The following RICTOR variants were observed in gnomAD, a reference collection of about 807,000 sequenced individuals.
RICTOR encodes the protein rapamycin-insensitive companion of mTOR.
In RICTOR, 49 loss-of-function variants were observed where a neutral mutation model predicts 214.9. The ratio of observed to expected loss-of-function variants is 0.23; its 90% confidence interval spans 0.18 to 0.29. The LOEUF (loss-of-function observed/expected upper bound fraction) is 0.29. RICTOR is among the 10% of genes least tolerant of loss of function. RICTOR has a pLI of 1.00. For missense variants in RICTOR, 1,625 were observed against 2,047.0 expected (o/e 0.79, Z 3.98); for synonymous variants, 717 against 711.3 (o/e 1.01, Z -0.13).
chr5:39,069,896 C>G (rs1216254255), intron 2 of RICTOR, among the ~76,000 whole-genome samples: 1 of 152,138 alleles, frequency 6.6e-6, no homozygotes, highest in Non-Finnish European at 1.5e-5. Context: ...ATCCTTTTAC[C>G]CACCAGACAG....
Position 38,990,819 on chromosome 5 carries a change from GAT to G in RICTOR, c.583+128_583+129del, listed in dbSNP as rs71585016. ...TATATGATATATATGAGATATATGA[GAT>G]ATATGATATATGAGATATATGAGAT... On this transcript the variant is annotated intron_variant, in intron 7 of 37. Transcript: ENST00000357387. The G allele has an allele frequency of 1.1e-4, 19 of 168,066 alleles. 1 individual carries two copies. The African/African-American group carries it at 1.1e-3, about 10-fold the overall frequency. The allele number at this position is 168,066 out of a possible 1,614,324, so 10.4% of individuals were successfully genotyped here.
At chr5:39,060,121 C>T (rs1758443952) in intron 2 of RICTOR, among the ~76,000 whole-genome samples, 1 of 152,112 alleles carries the variant, frequency 6.6e-6, no homozygotes, top group Admixed American at 6.6e-5. Context: ...TATAATCCTA[C>T]TATCCATATT....
At chr5:39,055,772 GAGA>G (rs1457899495) in intron 2 of RICTOR, among the ~76,000 whole-genome samples, 2 of 152,194 alleles carry the variant, frequency 1.3e-5, no homozygotes, top group Non-Finnish European at 2.9e-5. Flanking sequence ...GTTGGTTACA[GAGA>G]AGAAAACAGA....
intron 2 of RICTOR, among the ~76,000 whole-genome samples, chr5:39,022,072 T>G (rs543330876): frequency 1.3e-5 from 2 of 152,330 alleles, no homozygotes; most frequent in African/African-American, 2.4e-5. Flanking sequence ...ATATATTACA[T>G]GAAATATAAT....
At chr5:39,069,580 A>G (rs2150220834) in intron 2 of RICTOR, among the ~76,000 whole-genome samples, 1 of 152,348 alleles carries the variant, frequency 6.6e-6, no homozygotes, top group East Asian at 1.9e-4. Flanking sequence ...CAGCCTCTAC[A>G]TTTTAATAAA....
intron 7 of RICTOR, among the ~76,000 whole-genome samples, chr5:38,988,039 G>A (rs1382945867): frequency 6.6e-6 from 1 of 152,124 alleles, no homozygotes; most frequent in Non-Finnish European, 1.5e-5. Flanking sequence ...TTAATCCTGA[G>A]TCCTAATTTG....
In RICTOR at chr5:38,964,806, G is replaced by A. The variant is rs1355578278; in HGVS notation, c.1386C>T (p.Pro462=). Reference sequence around the variant, plus strand: ...CTGATACTTACAGTCTCTTTTCCTTGGGGATATCAAAGGATGCAGCCATAT... The same window carrying A: ...CTGATACTTACAGTCTCTTTTCCTTAGGGATATCAAAGGATGCAGCCATAT... ...LMNMAASFDI[P]KEKRLRASAA... The change falls in exon 16 of 38, where the codon CCC becomes CCT. Residue 462 remains proline, a synonymous_variant. Transcript: ENST00000357387. 4.4e-6 allele frequency: 7 copies of A among 1,573,660 alleles called. No individual in the cohort carries two copies. The highest frequency in any genetic ancestry group is 6.1e-6 in the Non-Finnish European group (7 of 1,147,514).
chr5:39,011,864 G>A (rs923744721), intron 3 of RICTOR, among the ~76,000 whole-genome samples: 4 of 152,150 alleles, frequency 2.6e-5, no homozygotes, highest in African/African-American at 9.7e-5. Context: ...AGGCTCATAG[G>A]CGGAAGGGAC....
At chr5:39,012,377 G>A (rs1163800935) in intron 3 of RICTOR, among the ~76,000 whole-genome samples, 2 of 152,130 alleles carry the variant, frequency 1.3e-5, no homozygotes, top group Non-Finnish European at 2.9e-5. Context: ...CCAGCCCTGT[G>A]GAACTGTGAG....
chr5:39,047,996 G>A (rs1757606963), intron 2 of RICTOR, among the ~76,000 whole-genome samples: 1 of 152,132 alleles, frequency 6.6e-6, no homozygotes, highest in Non-Finnish European at 1.5e-5. Context: ...TCAACACAAA[G>A]AATTTAACCA....
chr5:39,015,281 CAAAT>C (rs149244678), intron 3 of RICTOR, among the ~76,000 whole-genome samples: 2,529 of 152,104 alleles, frequency 0.017, 61 homozygotes, highest in African/African-American at 0.058. Context: ...ACTCAATAAG[CAAAT>C]GAATGAATTT....
Position 39,074,338 on chromosome 5 carries a change from G to T in RICTOR, c.40C>A (p.Arg14=). 1 of 1,542,190 alleles carries T rather than the reference G, an allele frequency of 6.5e-7. No homozygotes were observed. The highest frequency in any genetic ancestry group is 8.7e-7 in the Non-Finnish European group (1 of 1,143,434). Residue 14 remains arginine (R), a synonymous_variant, in exon 1 of 38, where the codon CGA becomes AGA. Coordinates refer to ENST00000357387, the MANE Select transcript of RICTOR (RefSeq NM_152756.5). Reference sequence around the variant, plus strand: ...GTTGCAGCGGGCTTACCTCGTACTCGGAGGTTCTTCAGAGAGCGGCCGCGG... The same window carrying T: ...GTTGCAGCGGGCTTACCTCGTACTCTGAGGTTCTTCAGAGAGCGGCCGCGG... The part of the protein sequence containing the change: ...IGRGRSLKNL[R]VRGRNDSGEE...
At chr5:39,042,370 G>A (rs1003080882) in intron 2 of RICTOR, among the ~76,000 whole-genome samples, 4 of 152,068 alleles carry the variant, frequency 2.6e-5, no homozygotes, top group African/African-American at 9.7e-5. Context: ...ATTTTTGCAT[G>A]AATAATCTCT....
At chr5:38,974,742 G>A (rs1751066166) in intron 10 of RICTOR, among the ~76,000 whole-genome samples, 2 of 152,204 alleles carry the variant, frequency 1.3e-5, no homozygotes, top group Admixed American at 1.3e-4. Flanking sequence ...TAAGAGATCA[G>A]AGAAAATCCC....
intron 2 of RICTOR, among the ~76,000 whole-genome samples, chr5:39,058,514 G>A (rs1357682110): frequency 1.3e-5 from 2 of 151,924 alleles, no homozygotes; most frequent in African/African-American, 4.8e-5. Context: ...AACCCGGAGT[G>A]GTATAAGACA....
intron 2 of RICTOR, among the ~76,000 whole-genome samples, chr5:39,031,084 C>A (rs1358307290): frequency 6.6e-6 from 1 of 152,122 alleles, no homozygotes; most frequent in African/African-American, 2.4e-5. Context: ...TCATGAGCTC[C>A]TTCTAATTAA....
At chr5:39,029,082 G>T (rs1347231556) in intron 2 of RICTOR, among the ~76,000 whole-genome samples, 1 of 151,954 alleles carries the variant, frequency 6.6e-6, no homozygotes, top group African/African-American at 2.4e-5. Context: ...GTGATTGCTG[G>T]AAGATAAAGT....
chr5:38,996,069 T>C (rs1004793496), intron 6 of RICTOR, among the ~76,000 whole-genome samples: 2 of 152,160 alleles, frequency 1.3e-5, no homozygotes, highest in Non-Finnish European at 2.9e-5. Flanking sequence ...AGTTGAAAGA[T>C]AGGAAGAGAA....
At chr5:39,016,223 AAAAC>A (rs1328901251) in intron 3 of RICTOR, among the ~76,000 whole-genome samples, 4 of 152,142 alleles carry the variant, frequency 2.6e-5, no homozygotes, top group African/African-American at 7.2e-5. Flanking sequence ...GGTAAAACAA[AAAAC>A]AAACAAGACA....
Sources: allele counts gnomAD v4.1 joint callset (sites outside exome capture counted in the v4.1 genomes callset), GRCh38; gene constraint gnomAD v4.1.1; transcripts MANE v1.5; gene names NCBI Gene and HGNC (gene_info 2026-07-23, HGNC 2026-07-21).